PTGER3: variants seen among roughly 807,000 people sequenced by gnomAD.
PTGER3 encodes the protein prostaglandin E2 receptor EP3 subtype.
Under a neutral mutation model 34.7 loss-of-function variants are expected in PTGER3, and 22 were observed. The ratio of observed to expected loss-of-function variants is 0.63; its 90% CI spans 0.45 to 0.91. The LOEUF (loss-of-function observed/expected upper bound fraction) is 0.91, where lower values mean the gene tolerates loss of function less well. Among genes scored for constraint, PTGER3 ranks in the 40% least tolerant of loss-of-function variants. The probability of loss-of-function intolerance (pLI) is 0.00; values close to 1 mark genes in which losing one functional copy is unlikely to be tolerated. For missense variants in PTGER3, 468 were observed against 519.4 expected, an observed-to-expected ratio of 0.90 and a Z score of 0.96; for synonymous variants, 241 against 230.1, an observed-to-expected ratio of 1.05 and a Z score of -0.43.
chr1:70,965,246 C>T (rs1332320887), intron 2 of PTGER3, among the ~76,000 whole-genome samples: 1 of 152,008 alleles, frequency 6.6e-6, no homozygotes, highest in African/African-American at 2.4e-5. Context: ...CTAAAAGTCA[C>T]AGGAAAATAT....
At chr1:71,032,120 G>C (rs1572982693) in intron 1 of PTGER3, among the ~76,000 whole-genome samples, 1 of 152,128 alleles carries the variant, frequency 6.6e-6, no homozygotes, top group South Asian at 2.1e-4. Flanking sequence ...ATAAAACCCA[G>C]ACTACAACTC....
In PTGER3 at chr1:71,047,650, C is replaced by A; in HGVS notation, c.-73G>T. 7.0e-7 allele frequency: 1 copy of A among 1,434,430 alleles called. No homozygotes were observed. The highest frequency in any genetic ancestry group is 2.5e-5 in the East Asian group (1 of 39,432). The allele number at this position is 1,434,430 out of a possible 1,614,324, so 88.9% of individuals were successfully genotyped here. ...GAGGGGGCAGACGCGGCGCGGGCGG[C>A]GGCGGAGGTCGGCGTTTACCGCGGC... On this transcript the variant is annotated 5_prime_UTR_variant, in exon 1 of 4. Transcript: ENST00000306666.
intron 4 of PTGER3, among the ~76,000 whole-genome samples, chr1:70,883,222 A>G (rs1646429746): frequency 6.6e-6 from 1 of 152,206 alleles, no homozygotes; most frequent in Middle Eastern, 3.4e-3. Flanking sequence ...TTATGCCTAG[A>G]AAAAAACCTA....
At chr1:70,866,617 C>T (rs1646047885) in intron 4 of PTGER3, among the ~76,000 whole-genome samples, 1 of 152,132 alleles carries the variant, frequency 6.6e-6, no homozygotes. Flanking sequence ...ATCTGTGGCT[C>T]CAGCAGTTAT....
intron 4 of PTGER3, among the ~76,000 whole-genome samples, chr1:70,907,695 G>T (rs1463287800): frequency 6.6e-6 from 1 of 152,188 alleles, no homozygotes; most frequent in Non-Finnish European, 1.5e-5. Flanking sequence ...CAAATTGGCA[G>T]CTAAGTCCCA....
chr1:70,893,271 GATGCTTAAAGAGT>G (rs1646658232), intron 4 of PTGER3, among the ~76,000 whole-genome samples: 1 of 152,194 alleles, frequency 6.6e-6, no homozygotes, highest in Non-Finnish European at 1.5e-5. Context: ...ATGAGAAGCT[GATGCTTAAAGAGT>G]CTGAGACACT....
chr1:70,972,501 C>G (rs984803698), intron 3 of PTGER3, among the ~76,000 whole-genome samples: 1 of 151,916 alleles, frequency 6.6e-6, no homozygotes. Context: ...TTACACATTA[C>G]TTATTCCATA....
intron 4 of PTGER3, among the ~76,000 whole-genome samples, chr1:70,858,483 A>T (rs1435447797): frequency 6.6e-6 from 1 of 152,166 alleles, no homozygotes. Context: ...TTTAGCAAAC[A>T]ACCTGACATA....
chr1:71,047,638 C>T lies in PTGER3; in HGVS notation c.-61G>A. Reference sequence around the variant, plus strand: ...GAGCCGCAGCGGGAGGGGGCAGACGCGGCGCGGGCGGCGGCGGAGGTCGGC... The same window carrying T: ...GAGCCGCAGCGGGAGGGGGCAGACGTGGCGCGGGCGGCGGCGGAGGTCGGC... On this transcript the variant is annotated 5_prime_UTR_variant, in exon 1 of 4. Coordinates refer to ENST00000306666, the MANE Select transcript of PTGER3 (RefSeq NM_198719.2). The T allele has an allele frequency of 4.8e-6, 7 of 1,450,236 alleles. No homozygotes were observed. The highest frequency in any genetic ancestry group is 6.4e-6 in the Non-Finnish European group (7 of 1,097,596). The allele number at this position is 1,450,236 out of a possible 1,614,324, so 89.8% of individuals were successfully genotyped here. A position where few individuals can be genotyped will look rare whatever the true frequency, so the allele number is the denominator to read the frequency against.
chr1:70,910,978 G>A (rs1323197362), intron 4 of PTGER3, among the ~76,000 whole-genome samples: 1 of 151,904 alleles, frequency 6.6e-6, no homozygotes, highest in Non-Finnish European at 1.5e-5. Context: ...TACTCAGGAG[G>A]CTGAGGGAGG....
At chr1:71,012,994 G>C (rs1337885666) in intron 1 of PTGER3, among the ~76,000 whole-genome samples, 1 of 152,076 alleles carries the variant, frequency 6.6e-6, no homozygotes, top group African/African-American at 2.4e-5. Flanking sequence ...CAGACATGGT[G>C]CCGAGTTCTT....
intron 1 of PTGER3, among the ~76,000 whole-genome samples, chr1:71,029,391 A>C (rs535913937): frequency 9.6e-4 from 146 of 152,362 alleles, no homozygotes; most frequent in Non-Finnish European, 1.7e-3. Context: ...TTTGACCCCA[A>C]GAAAGTTACT....
intron 4 of PTGER3, among the ~76,000 whole-genome samples, chr1:70,927,868 A>C (rs1410628431): frequency 6.6e-6 from 1 of 152,102 alleles, no homozygotes; most frequent in Non-Finnish European, 1.5e-5. Flanking sequence ...GGGGCTATGC[A>C]AAACCCAAAC....
chr1:70,923,098 A>G (rs1370875570), intron 4 of PTGER3, among the ~76,000 whole-genome samples: 1 of 152,168 alleles, frequency 6.6e-6, no homozygotes, highest in Non-Finnish European at 1.5e-5. Flanking sequence ...TTTATTGAAT[A>G]TATTTGTCTA....
rs924664684 is a variant in PTGER3 at position 70,961,594 on chromosome 1, A to T, written c.1078-7805T>A. Among the ~76,000 whole-genome samples, 3 of 152,216 alleles carry T rather than the reference A, an allele frequency of 2.0e-5. No individual in the cohort carries two copies. In the South Asian group the frequency reaches 6.2e-4, roughly 32 times the overall value. On this transcript the variant is annotated intron_variant, in intron 2 of 3. Coordinates refer to the PTGER3 transcript ENST00000356595. ...CTCTGCTTATCTTTCACTCTTTCTT[A>T]TCATACAACATGCATATTTTGCTCT...
intron 4 of PTGER3, among the ~76,000 whole-genome samples, chr1:70,940,722 C>T (rs1330279094): frequency 2.0e-5 from 3 of 152,270 alleles, no homozygotes; most frequent in East Asian, 1.9e-4. Flanking sequence ...CAATTACCTC[C>T]CCCTGGGCCC....
At chr1:70,964,881 C>T (rs563381869) in intron 2 of PTGER3, among the ~76,000 whole-genome samples, 6 of 152,278 alleles carry the variant, frequency 3.9e-5, no homozygotes, top group Admixed American at 1.3e-4. Context: ...TGCCATACAC[C>T]GTGATAGACA....
intron 2 of PTGER3, among the ~76,000 whole-genome samples, chr1:70,999,710 G>A (rs1300253685): frequency 6.6e-6 from 1 of 152,108 alleles, no homozygotes; most frequent in Admixed American, 6.5e-5. Flanking sequence ...ACAAGTCCGA[G>A]AGGACGGGTA....
At chr1:71,022,735 G>GCA (rs369342182) in intron 1 of PTGER3, among the ~76,000 whole-genome samples, 36 of 149,462 alleles carry the variant, frequency 2.4e-4, no homozygotes, top group African/African-American at 7.4e-4. Context: ...ATATACACAG[G>GCA]CACACACACA....
Sources: allele counts gnomAD v4.1 joint callset (sites outside exome capture counted in the v4.1 genomes callset), GRCh38; gene constraint gnomAD v4.1.1; transcripts MANE v1.5; gene names NCBI Gene and HGNC (gene_info 2026-07-23, HGNC 2026-07-21).